The following PCNX1 variants were observed in gnomAD, a reference collection of about 807,000 sequenced individuals.
The protein encoded by PCNX1 is pecanex 1.
In PCNX1, 78 loss-of-function variants were observed where a neutral mutation model predicts 242.2. That is an observed-to-expected ratio of 0.32 (90% CI 0.27 to 0.39). The LOEUF (loss-of-function observed/expected upper bound fraction) is 0.39. Ranked by LOEUF, PCNX1 falls within the 10% of genes least tolerant of loss-of-function variation. PCNX1 has a pLI of 1.00. For missense variants in PCNX1, 2,581 were observed against 2,856.5 expected (o/e 0.90, Z 2.20); for synonymous variants, 1,024 against 1,032.9 (o/e 0.99, Z 0.17).
chr14:71,012,308 A>G (rs565781518), intron 10 of PCNX1: 101 of 154,240 alleles, frequency 6.5e-4, no homozygotes, highest in South Asian at 6.2e-3. Context: ...AAAAGACTAT[A>G]AATGTGAGAA....
At chr14:70,983,218 A>G (rs2058893132) in intron 6 of PCNX1, among the ~76,000 whole-genome samples, 2 of 152,250 alleles carry the variant, frequency 1.3e-5, no homozygotes, top group African/African-American at 4.8e-5. Flanking sequence ...AGTATAAGTA[A>G]TACTTAAGCT....
At chr14:70,988,735 A>G (rs1383267420) in intron 7 of PCNX1, 36 bp downstream of exon 7, 7 of 1,599,402 alleles carry the variant, frequency 4.4e-6, no homozygotes, top group Admixed American at 3.3e-5. Flanking sequence ...TTTAGCATGC[A>G]TGTAACAACC....
intron 13 of PCNX1, 42 bp downstream of exon 13, chr14:71,023,274 C>T (rs767291258): frequency 4.3e-6 from 6 of 1,392,886 alleles, no homozygotes; most frequent in East Asian, 2.3e-5. Context: ...AGGTCCTTAA[C>T]ATTTATCATA....
rs559753485 is a variant in PCNX1, at chr14:71,099,584, T to C, written c.5590-2406T>C. 2.0e-5 allele frequency among the ~76,000 whole-genome samples: 3 copies of C among 152,320 alleles called. No individual in the cohort carries two copies. In the East Asian group the frequency reaches 5.8e-4, roughly 29 times the overall value. On this transcript the variant is annotated intron_variant, in intron 30 of 35. Coordinates refer to ENST00000304743, the MANE Select transcript of PCNX1 (RefSeq NM_014982.3). ...GTTGATGGGTGGAGTATTCTGTAGG[T>C]GTCTATTAGATCCAATTGGCCAAGT...
intron 26 of PCNX1, among the ~76,000 whole-genome samples, chr14:71,065,514 TA>T (rs1459469202): frequency 6.6e-6 from 1 of 152,232 alleles, no homozygotes; most frequent in African/African-American, 2.4e-5. Context: ...AGAGTCTGGA[TA>T]TTAACCCTTT....
chr14:71,011,442 A>AT (rs766952245), intron 9 of PCNX1, 50 bp from the exon 10 acceptor site: 9 of 996,188 alleles, frequency 9.0e-6, no homozygotes, highest in Admixed American at 1.9e-5. Context: ...TAAAGGATAT[A>AT]TTTTTCTTTC....
chr14:71,113,822 T>TGTC lies in PCNX1; in HGVS notation c.*3888_*3890dup. On this transcript the variant is annotated 3_prime_UTR_variant, in exon 36 of 36. Transcript: ENST00000304743. ...TCATTTATATTTATTTTAATTAATT[T>TGTC]GTCATGAATATGGACAAAGCCTTTT... 1 of 152,350 alleles carries TGTC rather than the reference T, an allele frequency of 6.6e-6. No homozygotes were observed. Among genetic ancestry groups the TGTC allele is most frequent in the Middle Eastern group, 3.4e-3 (1 of 294 alleles). The allele number at this position is 152,350 out of a possible 1,614,324, so 9.4% of individuals were successfully genotyped here.
intron 3 of PCNX1, among the ~76,000 whole-genome samples, 162 bp from the exon 4 acceptor site, chr14:70,968,036 G>A (rs374068716): frequency 4.1e-4 from 63 of 152,172 alleles, no homozygotes; most frequent in Admixed American, 1.2e-3. Context: ...AGGTTGCGTG[G>A]CTCCAATAGA....
chr14:71,011,792 T>C (rs781275216), intron 10 of PCNX1: 2 of 432,240 alleles, frequency 4.6e-6, no homozygotes, highest in Non-Finnish European at 4.1e-6. Context: ...TTTTGGAAAG[T>C]ATTTGTCAAT....
chr14:71,066,676 T>C (rs1328121648), intron 26 of PCNX1, among the ~76,000 whole-genome samples: 1 of 152,196 alleles, frequency 6.6e-6, no homozygotes, highest in Non-Finnish European at 1.5e-5. Flanking sequence ...AGGGCATCCT[T>C]GTCTTGTGCT....
intron 1 of PCNX1, among the ~76,000 whole-genome samples, chr14:70,918,004 A>G (rs1343317683): frequency 2.0e-5 from 3 of 152,196 alleles, no homozygotes; most frequent in Non-Finnish European, 2.9e-5. Flanking sequence ...AACTTCTGCT[A>G]GAGTCAAATT....
chr14:70,981,707 A>G (rs1248953342), intron 6 of PCNX1, among the ~76,000 whole-genome samples: 1 of 152,192 alleles, frequency 6.6e-6, no homozygotes, highest in Non-Finnish European at 1.5e-5. Context: ...TAATATTTTA[A>G]GAAATGAAAA....
At position 71,073,879 on chromosome 14, in the gene PCNX1, A is replaced by G. The variant is rs1253076236; in HGVS notation, c.5106+81A>G. 4 of 944,672 alleles carry G rather than the reference A, an allele frequency of 4.2e-6. No homozygotes were observed. The South Asian group carries it at 1.2e-4, about 29-fold the overall frequency. 58.5% of individuals were successfully genotyped at this position (944,672 alleles called of 1,614,324 possible). ...GACATATATAAGTATATATATATGT[A>G]TATACTTTTTTTTAACGTATGCTTT... is the stretch of plus-strand genomic sequence containing the variant. On this transcript the variant is annotated intron_variant, in intron 27 of 35. Transcript: ENST00000304743.
chr14:70,968,729 G>C (rs2058453982), intron 4 of PCNX1, among the ~76,000 whole-genome samples: 1 of 152,150 alleles, frequency 6.6e-6, no homozygotes, highest in South Asian at 2.1e-4. Flanking sequence ...TATGTAATTT[G>C]CATTCCTTTT....
At position 70,907,934 on chromosome 14, in the gene PCNX1, C is replaced by T; in HGVS notation, c.84C>T (p.Ala28=). The T allele has an allele frequency of 1.9e-6, 3 of 1,596,958 alleles. No homozygotes were observed. Among genetic ancestry groups the T allele is most frequent in the Non-Finnish European group, 2.6e-6 (3 of 1,173,154 alleles). The change falls in exon 1 of 36, where the codon GCC becomes GCT. Residue 28 remains alanine (A), a synonymous_variant. Coordinates refer to ENST00000304743, the MANE Select transcript of PCNX1 (RefSeq NM_014982.3). ...GCTGGTACTACGACCCGCACCAGGCCACCTTCGTGAACGCGCTGCACCTCT... is the reference window on the plus strand; with the variant it reads ...GCTGGTACTACGACCCGCACCAGGCTACCTTCGTGAACGCGCTGCACCTCT... ...SGGWYYDPHQ[A]TFVNALHLYL...
At chr14:70,975,364 C>G (rs1490819349) in intron 5 of PCNX1, among the ~76,000 whole-genome samples, 1 of 152,048 alleles carries the variant, frequency 6.6e-6, no homozygotes, top group Non-Finnish European at 1.5e-5. Flanking sequence ...ATCTTGAAAA[C>G]TTTAAAATGT....
chr14:71,109,482 A>T lies in PCNX1; in HGVS notation c.6775A>T (p.Ile2259Phe). 1.2e-6 allele frequency: 2 copies of T among 1,613,806 alleles called. No individual in the cohort carries two copies. Among genetic ancestry groups the T allele is most frequent in the Non-Finnish European group, 1.7e-6 (2 of 1,179,674 alleles). ...IVDPSQILEG[I>F]NLSKRKELQW... is the part of the protein sequence containing the mutation. ...GGATCCCAGTCAAATTCTGGAAGGG[A>T]TCAACCTGTCTAAAAGGAAAGAGCT... The change falls in exon 35 of 36, where the codon ATC becomes TTC. Residue 2259 changes from isoleucine (I) to phenylalanine (F), a missense_variant. By Grantham distance (21) the Ile-to-Phe change is conservative (BLOSUM62 0). Transcript: ENST00000304743.
At chr14:70,924,113 T>TC (rs2056488228) in intron 1 of PCNX1, among the ~76,000 whole-genome samples, 1 of 151,408 alleles carries the variant, frequency 6.6e-6, no homozygotes, top group Non-Finnish European at 1.5e-5. Context: ...GTGCCTGTAG[T>TC]CCCAGCTACT....
At position 70,969,031 on chromosome 14, in the gene PCNX1, C is replaced by T; in HGVS notation, c.525C>T (p.Asp175=). ...GTAATIKGDT[D]TAKTSDDISL... ...CTCTTAACTTTGTAGGAGATACAGA[C>T]ACTGCTAAGACTTCTGATGATATCA... is the stretch of plus-strand genomic sequence containing the variant. Residue 175 remains aspartate, a synonymous_variant, in exon 5 of 36, where the codon GAC becomes GAT. Transcript: ENST00000304743. 1 of 1,599,338 alleles carries T rather than the reference C, an allele frequency of 6.3e-7. No homozygotes were observed. The highest frequency in any genetic ancestry group is 1.1e-5 in the South Asian group (1 of 90,768).
Sources: gnomAD v4.1 joint callset for allele counts (sites outside exome capture counted in the v4.1 genomes callset) on GRCh38, gnomAD v4.1.1 for gene constraint, MANE v1.5 for transcripts, NCBI Gene and HGNC (gene_info 2026-07-23, HGNC 2026-07-21) for gene names.